MAP3K21: variants seen among roughly 807,000 people sequenced by gnomAD.
MAP3K21 encodes mitogen-activated protein kinase kinase kinase MLK4.
A neutral mutation model predicts 86.1 loss-of-function variants in MAP3K21; 63 were observed. The observed-to-expected ratio is 0.73, with a 90% CI of 0.60 to 0.90. The LOEUF (loss-of-function observed/expected upper bound fraction) is 0.90, where lower values mean the gene tolerates loss of function less well. Among genes scored for constraint, MAP3K21 ranks in the 40% least tolerant of loss-of-function variants. The pLI is 0.00. For missense variants in MAP3K21, 1,220 were observed against 1,367.7 expected, an observed-to-expected ratio of 0.89 and a Z score of 1.70; for synonymous variants, 558 against 564.8, an observed-to-expected ratio of 0.99 and a Z score of 0.17.
Position 233,327,888 on chromosome 1 carries a change from T to A in MAP3K21, c.-141T>A, listed in dbSNP as rs1025679216. 6 of 585,628 alleles carry A rather than the reference T, an allele frequency of 1.0e-5. No individual in the cohort carries two copies. The highest frequency in any genetic ancestry group is 1.5e-5 in the Non-Finnish European group (6 of 404,238). 36.3% of individuals were successfully genotyped at this position (585,628 alleles called of 1,614,324 possible). ...GACCCTTTGGGCAGCTAGCCCGTGA[T>A]CTCTGCCGTCACCGATCGCGATTCC... On this transcript the variant is annotated 5_prime_UTR_variant, in exon 1 of 10. Coordinates refer to ENST00000366624, the MANE Select transcript of MAP3K21 (RefSeq NM_032435.3).
intron 1 of MAP3K21, among the ~76,000 whole-genome samples, chr1:233,342,553 G>T (rs1282996292): frequency 6.6e-6 from 1 of 152,204 alleles, no homozygotes; most frequent in Non-Finnish European, 1.5e-5. Context: ...CATTTCCTGC[G>T]ATTAAAGTAG....
intron 1 of MAP3K21, among the ~76,000 whole-genome samples, chr1:233,337,591 TG>T (rs1662941901): frequency 6.6e-6 from 1 of 152,190 alleles, no homozygotes; most frequent in Non-Finnish European, 1.5e-5. Context: ...TTGTTCATCT[TG>T]GTTGGAGGTG....
At chr1:233,362,625 T>A (rs566991588) in intron 5 of MAP3K21, among the ~76,000 whole-genome samples, 2 of 152,268 alleles carry the variant, frequency 1.3e-5, no homozygotes, top group East Asian at 3.9e-4. Flanking sequence ...CAATGTCATG[T>A]GGCATTGTGA....
Position 233,372,161 on chromosome 1 carries a change from G to A in MAP3K21, c.1675+1G>A. On this transcript the variant is annotated splice_donor_variant, in intron 6 of 9. Transcript: ENST00000366624. LOFTEE classifies it high-confidence loss of function. The stretch of plus-strand genomic sequence containing the variant: ...ATGCCCCGACTCCGAGCCATACAGT[G>A]TGAGCTTTCTGCACTGCCACGGGGG... The A allele has an allele frequency of 6.2e-7, 1 of 1,613,934 alleles. No individual in the cohort carries two copies. The highest frequency in any genetic ancestry group is 8.5e-7 in the Non-Finnish European group (1 of 1,179,864).
intron 1 of MAP3K21, among the ~76,000 whole-genome samples, chr1:233,329,179 A>G (rs1291336183): frequency 3.9e-5 from 6 of 152,102 alleles, no homozygotes; most frequent in Non-Finnish European, 8.8e-5. Flanking sequence ...GGACTTTGCA[A>G]ACCGAGGCCT....
chr1:233,369,124 G>A (rs115793434), intron 5 of MAP3K21, among the ~76,000 whole-genome samples: 1,828 of 150,890 alleles, frequency 0.012, 39 homozygotes, highest in African/African-American at 0.042. Flanking sequence ...GACTAGTGCA[G>A]AGATGTAACC....
At chr1:233,377,610 GCAGTCC>G (rs1663824850) in intron 8 of MAP3K21, among the ~76,000 whole-genome samples, 1 of 152,188 alleles carries the variant, frequency 6.6e-6, no homozygotes, top group African/African-American at 2.4e-5. Context: ...GTCTACATCA[GCAGTCC>G]CCAACCTTTA....
At chr1:233,364,426 T>C (rs12041901) in intron 5 of MAP3K21, among the ~76,000 whole-genome samples, 33,927 of 152,202 alleles carry the variant, frequency 0.22, 4,015 homozygotes, top group East Asian at 0.36. Flanking sequence ...TAATATTTAT[T>C]GTTTCCCTTG....
chr1:233,377,179 A>C (rs1487838196), intron 8 of MAP3K21, among the ~76,000 whole-genome samples: 1 of 152,228 alleles, frequency 6.6e-6, no homozygotes, highest in African/African-American at 2.4e-5. Flanking sequence ...AATTTAAATG[A>C]ATCATAATGA....
intron 1 of MAP3K21, among the ~76,000 whole-genome samples, chr1:233,339,469 TC>T: frequency 1.0e-5 from 1 of 97,970 alleles, no homozygotes; most frequent in Non-Finnish European, 2.0e-5. Context: ...CTCCTCCTTC[TC>T]CTTCTTCTTC....
At chr1:233,339,268 C>CCTGT (rs1662977748) in intron 1 of MAP3K21, among the ~76,000 whole-genome samples, 12 of 19,854 alleles carry the variant, frequency 6.0e-4, no homozygotes, top group South Asian at 2.3e-3. Flanking sequence ...CTTCTTCTTC[C>CCTGT]TCTTCTTCTT....
Position 233,362,287 on chromosome 1 carries a change from C to T in MAP3K21, c.1546C>T (p.Pro516Ser). Reference sequence around the variant, plus strand: ...CAAAGATGGACATCGAATCAGTTTACCTTCAGGTATGATCTTGTTTTTATG... The same window carrying T: ...CAAAGATGGACATCGAATCAGTTTATCTTCAGGTATGATCTTGTTTTTATG... ...KLKDGHRISLPSDFQHKITVQ... is the reference protein window; with the variant it reads ...KLKDGHRISLSSDFQHKITVQ... The change falls in exon 5 of 10, where the codon CCT (proline) becomes TCT (serine). Residue 516 changes from proline (P) to serine (S), a missense_variant. Coordinates refer to ENST00000366624, the MANE Select transcript of MAP3K21 (RefSeq NM_032435.3). 1.2e-6 allele frequency: 2 copies of T among 1,614,030 alleles called. No homozygotes were observed. Among genetic ancestry groups the T allele is most frequent in the East Asian group, 2.2e-5 (1 of 44,888 alleles).
chr1:233,335,070 C>T lies in MAP3K21; in HGVS notation c.805+6237C>T, dbSNP rs748723875. Reference sequence around the variant, plus strand: ...ATTGGAAAATATTCTCTAGCTTTACCGTGTCAGGCTGATGATCTTAACTCC... The same window carrying T: ...ATTGGAAAATATTCTCTAGCTTTACTGTGTCAGGCTGATGATCTTAACTCC... On this transcript the variant is annotated intron_variant, in intron 1 of 9. Transcript: ENST00000366624. 5.3e-5 allele frequency among the ~76,000 whole-genome samples: 8 copies of T among 151,518 alleles called. No individual in the cohort carries two copies. The East Asian group carries it at 7.8e-4, about 15-fold the overall frequency.
chr1:233,329,094 G>C (rs148000254), intron 1 of MAP3K21, among the ~76,000 whole-genome samples: 10 of 152,258 alleles, frequency 6.6e-5, no homozygotes, highest in African/African-American at 2.4e-4. Flanking sequence ...GGAAACATTT[G>C]TAAAATACCT....
chr1:233,352,722 T>C (rs1164399629), intron 2 of MAP3K21, among the ~76,000 whole-genome samples: 3 of 152,204 alleles, frequency 2.0e-5, no homozygotes, highest in Non-Finnish European at 4.4e-5. Context: ...TGAGCCACTG[T>C]ACCTGGCAAT....
At chr1:233,340,704 T>TA (rs1017688466) in intron 1 of MAP3K21, among the ~76,000 whole-genome samples, 1 of 152,166 alleles carries the variant, frequency 6.6e-6, no homozygotes, top group Non-Finnish European at 1.5e-5. Context: ...TTGAGAAAGT[T>TA]ATCATTCATT....
intron 1 of MAP3K21, among the ~76,000 whole-genome samples, chr1:233,332,838 T>G (rs1572236768): frequency 1.2e-4 from 1 of 8,184 alleles, no homozygotes; most frequent in Non-Finnish European, 2.9e-4. Flanking sequence ...TTGTGTTCTA[T>G]TTTTTTTTTC....
chr1:233,381,080 T>C (rs549415310), intron 9 of MAP3K21, among the ~76,000 whole-genome samples: 1 of 152,216 alleles, frequency 6.6e-6, no homozygotes, highest in Non-Finnish European at 1.5e-5. Context: ...AAGTTCTAGT[T>C]GTACTATTTG....
At chr1:233,336,906 G>A (rs1259384172) in intron 1 of MAP3K21, among the ~76,000 whole-genome samples, 1 of 152,176 alleles carries the variant, frequency 6.6e-6, no homozygotes, top group Non-Finnish European at 1.5e-5. Context: ...ATAAATGTAT[G>A]GTAAGTCATA....
Sources: gnomAD v4.1 joint callset for allele counts (sites outside exome capture counted in the v4.1 genomes callset) on GRCh38, gnomAD v4.1.1 for gene constraint, MANE v1.5 for transcripts, NCBI Gene and HGNC (gene_info 2026-07-23, HGNC 2026-07-21) for gene names.